EML1: variants seen among roughly 807,000 people sequenced by gnomAD.
EML1 encodes the protein echinoderm microtubule-associated protein-like 1.
In EML1, 27 loss-of-function variants were observed where a neutral mutation model predicts 110.4. The observed-to-expected ratio is 0.24, with a 90% CI of 0.18 to 0.34. The LOEUF (loss-of-function observed/expected upper bound fraction) is 0.34. Ranked by LOEUF, EML1 falls within the 10% of genes least tolerant of loss-of-function variation. EML1 has a pLI of 1.00. For missense variants in EML1, 741 were observed against 1,030.9 expected (o/e 0.72, Z 3.85); for synonymous variants, 344 against 385.8 (o/e 0.89, Z 1.27).
In EML1 at chr14:99,914,293, C is replaced by A. The variant is rs375650693; in HGVS notation, c.1609C>A (p.Pro537Thr). ...GGGCACTCTGTCAGGGGACTTCACA[C>A]CCATTACTCAGGTACGATCCCACTC... The part of the protein sequence containing the change: ...LQGTLSGDFT[P>T]ITQGHTDELW... Residue 537 changes from proline to threonine, a missense_variant, in exon 14 of 22, where the codon CCC becomes ACC. By Grantham distance (38) the Pro-to-Thr change is conservative (BLOSUM62 -1). Transcript: ENST00000262233. 3.7e-6 allele frequency: 6 copies of A among 1,611,912 alleles called. No individual in the cohort carries two copies. The highest frequency in any genetic ancestry group is 5.1e-6 in the Non-Finnish European group (6 of 1,178,266).
intron 1 of EML1, among the ~76,000 whole-genome samples, chr14:99,838,368 T>C (rs1027977516): frequency 1.3e-5 from 2 of 152,206 alleles, no homozygotes; most frequent in Non-Finnish European, 2.9e-5. Context: ...GCTACCTTTT[T>C]AGATACTTTT....
At chr14:99,775,960 A>T (rs2140208781) in intron 1 of EML1, among the ~76,000 whole-genome samples, 1 of 152,332 alleles carries the variant, frequency 6.6e-6, no homozygotes, top group East Asian at 1.9e-4. Flanking sequence ...GCACAATTTC[A>T]TGATACAGTT....
chr14:99,808,902 A>T (rs572175171), intron 1 of EML1, among the ~76,000 whole-genome samples: 22 of 152,352 alleles, frequency 1.4e-4, no homozygotes, highest in African/African-American at 5.3e-4. Flanking sequence ...CTCTAAGGTA[A>T]GTAAAATACT....
At chr14:99,877,922 C>T (rs1436286533) in intron 3 of EML1, among the ~76,000 whole-genome samples, 2 of 152,140 alleles carry the variant, frequency 1.3e-5, no homozygotes, top group Admixed American at 6.5e-5. Flanking sequence ...ACCATCCCCC[C>T]GGGTTGCACA....
intron 1 of EML1, among the ~76,000 whole-genome samples, chr14:99,751,541 G>A (rs528214181): frequency 6.6e-6 from 1 of 152,264 alleles, no homozygotes; most frequent in South Asian, 2.1e-4. Context: ...AGCCCATAGT[G>A]TGTGTGATGG....
intron 1 of EML1, among the ~76,000 whole-genome samples, chr14:99,838,654 A>G (rs1302930087): frequency 6.6e-6 from 1 of 151,812 alleles, no homozygotes; most frequent in East Asian, 1.9e-4. Context: ...TCTCCCGTCC[A>G]AGCTGTCCCA....
chr14:99,772,240 C>G (rs1364303477), upstream of EML1, among the ~76,000 whole-genome samples: 1 of 152,246 alleles, frequency 6.6e-6, no homozygotes, highest in African/African-American at 2.4e-5. Flanking sequence ...AGGGGCTCAG[C>G]TCTCAGTTTA....
intron 1 of EML1, among the ~76,000 whole-genome samples, chr14:99,826,105 ATTTT>A (rs71113225): frequency 3.3e-4 from 26 of 79,962 alleles, no homozygotes; most frequent in African/African-American, 1.1e-3. Context: ...CTGTGCATTG[ATTTT>A]TTTTTTTTTT....
At chr14:99,759,317 C>T (rs1217900954) in intron 1 of EML1, among the ~76,000 whole-genome samples, 1 of 152,226 alleles carries the variant, frequency 6.6e-6, no homozygotes. Flanking sequence ...CAGGCAGGGG[C>T]TCAAGGTGAG....
In EML1 at chr14:99,936,723, C is replaced by T. The variant is rs1219312455; in HGVS notation, c.2095+389C>T. Among the ~76,000 whole-genome samples the T allele has an allele frequency of 1.3e-5, 2 of 152,148 alleles. No homozygotes were observed. The highest frequency in any genetic ancestry group is 2.9e-5 in the Non-Finnish European group (2 of 68,008). The stretch of plus-strand genomic sequence containing the variant: ...AAAGGTGTTATCCTCACAGGAGGGA[C>T]CATGAAGTCCATCCCCGCTGGGTGG... On this transcript the variant is annotated intron_variant, in intron 19 of 21. Coordinates refer to ENST00000262233, the MANE Select transcript of EML1 (RefSeq NM_004434.3). The surrounding 1 kb of genome is among the most constrained non-coding windows in gnomAD (Gnocchi z 5.5).
intron 17 of EML1, among the ~76,000 whole-genome samples, chr14:99,927,356 G>A (rs1411665851): frequency 6.6e-6 from 1 of 152,098 alleles, no homozygotes. Context: ...CATCTTTGTG[G>A]TGTTGTCTTC....
At chr14:99,818,444 T>C (rs1359980240) in intron 1 of EML1, among the ~76,000 whole-genome samples, 1 of 152,158 alleles carries the variant, frequency 6.6e-6, no homozygotes, top group Non-Finnish European at 1.5e-5. Context: ...ATTGATTCAA[T>C]GTAGAGGGCA....
At chr14:99,823,313 G>A (rs114405057) in intron 1 of EML1, among the ~76,000 whole-genome samples, 4,723 of 151,982 alleles carry the variant, frequency 0.031, 96 homozygotes, top group Non-Finnish European at 0.041. Context: ...GGGTGGTGTC[G>A]GCCTTGCCCT....
At chr14:99,779,227 T>C (rs1453232966) in intron 1 of EML1, among the ~76,000 whole-genome samples, 1 of 152,192 alleles carries the variant, frequency 6.6e-6, no homozygotes, top group East Asian at 1.9e-4. Flanking sequence ...TAGCTTTGTC[T>C]TTTTTGTTCT....
chr14:99,920,430 G>C (rs1292527723), intron 16 of EML1, among the ~76,000 whole-genome samples: 1 of 152,208 alleles, frequency 6.6e-6, no homozygotes, highest in East Asian at 1.9e-4. Context: ...GTGAGCTCTT[G>C]CAGGTGGTCC....
chr14:99,889,541 G>T (rs1369036520), intron 4 of EML1, among the ~76,000 whole-genome samples: 1 of 152,218 alleles, frequency 6.6e-6, no homozygotes, highest in East Asian at 1.9e-4. Context: ...GGCGGGGGCT[G>T]TGGCGAGCAG....
intron 17 of EML1, among the ~76,000 whole-genome samples, chr14:99,924,737 A>G (rs539137432): frequency 1.3e-5 from 2 of 152,296 alleles, no homozygotes; most frequent in Non-Finnish European, 2.9e-5. Context: ...GATGCCCTTT[A>G]TCATAGTGAG....
intron 20 of EML1, among the ~76,000 whole-genome samples, chr14:99,938,993 G>T (rs899075574): frequency 1.3e-5 from 2 of 152,222 alleles, no homozygotes; most frequent in Admixed American, 6.5e-5. Flanking sequence ...GCATCAGAGG[G>T]TCTCCGAGAC....
At chr14:99,816,350 A>G (rs2058167330) in intron 1 of EML1, among the ~76,000 whole-genome samples, 1 of 152,160 alleles carries the variant, frequency 6.6e-6, no homozygotes, top group African/African-American at 2.4e-5. Context: ...TTTAGTAGAG[A>G]TGGGGTTTCA....
Sources: gnomAD v4.1 joint callset for allele counts (sites outside exome capture counted in the v4.1 genomes callset) on GRCh38, gnomAD v4.1.1 for gene constraint, Gnocchi (gnomAD v3.1) non-coding constraint, MANE v1.5 for transcripts, NCBI Gene and HGNC (gene_info 2026-07-23, HGNC 2026-07-21) for gene names.